Variants in TBPL2 observed in about 807,000 individuals in gnomAD.
The protein encoded by TBPL2 is TATA box-binding protein-like 2.
In TBPL2, 40 loss-of-function variants were observed where a neutral mutation model predicts 38.2. The ratio of observed to expected loss-of-function variants is 1.05; its 90% CI spans 0.81 to 1.36. The LOEUF (loss-of-function observed/expected upper bound fraction) is 1.36. Ranked by LOEUF, TBPL2 falls within the 40% of genes most tolerant of loss-of-function variation. The pLI, the probability that TBPL2 is intolerant of heterozygous loss-of-function variation, is 0.00. For synonymous variants in TBPL2, 169 were observed against 171.7 expected (o/e 0.98, Z 0.12); for missense variants, 461 against 456.7 (o/e 1.01, Z -0.09).
chr14:55,436,634 A>G, exon 2 of TBPL2: 1 of 1,614,214 alleles, frequency 6.2e-7, no homozygotes, highest in Non-Finnish European at 8.5e-7. Flanking sequence ...GATGCCAGAG[A>G]CAAGGAGTCG....
At chr14:55,414,413 A>G in exon 7 of TBPL2, 1 of 1,609,194 alleles carries the variant, frequency 6.2e-7, no homozygotes. Flanking sequence ...AATAGGATAG[A>G]TGTTTTCAAA....
chr14:55,424,974 C>CA (rs1432518514), intron 5 of TBPL2, among the ~76,000 whole-genome samples: 1 of 152,182 alleles, frequency 6.6e-6, no homozygotes, highest in African/African-American at 2.4e-5. Flanking sequence ...AAACTATTCT[C>CA]AAAGCAGTGG....
intron 3 of TBPL2, among the ~76,000 whole-genome samples, chr14:55,434,343 C>T (rs1302872598): frequency 1.3e-5 from 2 of 152,156 alleles, no homozygotes; most frequent in Admixed American, 6.5e-5. Context: ...GGCTGACACT[C>T]GTGAGGGTAG....
At chr14:55,423,862 C>G (rs1291887352) in intron 6 of TBPL2, among the ~76,000 whole-genome samples, 1 of 151,984 alleles carries the variant, frequency 6.6e-6, no homozygotes, top group Non-Finnish European at 1.5e-5. Context: ...CCATTAAAAG[C>G]CTTTATGAAG....
At chr14:55,417,695 C>A (rs1379641623) in intron 6 of TBPL2, among the ~76,000 whole-genome samples, 1 of 152,154 alleles carries the variant, frequency 6.6e-6, no homozygotes, top group Non-Finnish European at 1.5e-5. Flanking sequence ...CTCTTCGACT[C>A]AAGTGATCTG....
chr14:55,440,565 G>A lies in TBPL2; in HGVS notation c.-20C>T, dbSNP rs769420150. On this transcript the variant is annotated 5_prime_UTR_variant, in exon 1 of 7. Coordinates refer to ENST00000247219, the Ensembl canonical transcript of TBPL2. ...GGCCATTTATGAGCCTGGGGGCAGC[G>A]AGGCGGGGCGGCCCTCGGCCCAGGT... The A allele has an allele frequency of 4.5e-6, 7 of 1,570,794 alleles. No homozygotes were observed. The East Asian group carries it at 6.8e-5, about 15-fold the overall frequency.
At position 55,438,564 on chromosome 14, in the gene TBPL2, C is replaced by T. The variant is rs535622686; in HGVS notation, c.151-1546G>A. On this transcript the variant is annotated intron_variant, in intron 1 of 6. Transcript: ENST00000247219. The stretch of plus-strand genomic sequence containing the variant: ...CTGCAACAGTCAGTGTCTCCCTTCC[C>T]CTTCCCCTTCCCCATCATGGCATTT... Among the ~76,000 whole-genome samples the T allele has an allele frequency of 9.9e-5, 15 of 152,280 alleles. No individual in the cohort carries two copies. In the South Asian group the frequency reaches 3.1e-3, roughly 32 times the overall value.
intron 6 of TBPL2, among the ~76,000 whole-genome samples, chr14:55,416,317 C>A (rs1248978841): frequency 6.6e-6 from 1 of 152,084 alleles, no homozygotes; most frequent in Non-Finnish European, 1.5e-5. Context: ...TAAGGGCAGG[C>A]ATGGTGGCTC....
chr14:55,433,747 T>C (rs752339967), intron 3 of TBPL2, 26 bp from the exon 4 acceptor site: 2 of 1,604,470 alleles, frequency 1.2e-6, no homozygotes, highest in Admixed American at 1.7e-5. Flanking sequence ...AAAAGAGAAT[T>C]AGCCTCTGCT....
intron 5 of TBPL2, among the ~76,000 whole-genome samples, chr14:55,426,551 T>TC (rs1885827409): frequency 6.6e-6 from 1 of 152,042 alleles, no homozygotes; most frequent in East Asian, 1.9e-4. Context: ...AATTCAAATC[T>TC]TCTAAGAGGT....
At chr14:55,417,188 C>T (rs544416544) in intron 6 of TBPL2, among the ~76,000 whole-genome samples, 2 of 152,282 alleles carry the variant, frequency 1.3e-5, no homozygotes, top group African/African-American at 4.8e-5. Context: ...TTACCTGAAC[C>T]ATACAGCAGC....
intron 3 of TBPL2, among the ~76,000 whole-genome samples, chr14:55,435,337 A>G (rs1429293705): frequency 1.3e-5 from 2 of 149,568 alleles, no homozygotes; most frequent in Non-Finnish European, 3.0e-5. Flanking sequence ...ATGTAATGGC[A>G]TGATCTTGGC....
intron 6 of TBPL2, among the ~76,000 whole-genome samples, chr14:55,418,863 A>G (rs1885705092): frequency 6.6e-6 from 1 of 152,242 alleles, no homozygotes; most frequent in South Asian, 2.1e-4. Flanking sequence ...TAATAGCTCA[A>G]CAGTGCCAGG....
At chr14:55,426,528 G>A (rs892636477) in intron 5 of TBPL2, among the ~76,000 whole-genome samples, 1 of 151,996 alleles carries the variant, frequency 6.6e-6, no homozygotes, top group Non-Finnish European at 1.5e-5. Context: ...AATTAGAGAG[G>A]CCTCATGTTA....
chr14:55,421,761 A>T (rs1166582049), intron 6 of TBPL2, among the ~76,000 whole-genome samples: 1 of 152,098 alleles, frequency 6.6e-6, no homozygotes, highest in Non-Finnish European at 1.5e-5. Context: ...CCATACCCAG[A>T]AACTTTCCCC....
chr14:55,439,540 A>T (rs2140182898), intron 1 of TBPL2, among the ~76,000 whole-genome samples: 1 of 148,116 alleles, frequency 6.8e-6, no homozygotes, highest in Non-Finnish European at 1.5e-5. Flanking sequence ...CTGAAATCCC[A>T]GCACTTCGGG....
intron 1 of TBPL2, among the ~76,000 whole-genome samples, chr14:55,437,868 TAGA>T (rs1417314290): frequency 2.0e-5 from 3 of 152,202 alleles, no homozygotes; most frequent in Non-Finnish European, 2.9e-5. Context: ...ATGTTCTAGT[TAGA>T]AGAATTTACA....
At chr14:55,418,339 T>A (rs1885696800) in intron 6 of TBPL2, among the ~76,000 whole-genome samples, 1 of 152,216 alleles carries the variant, frequency 6.6e-6, no homozygotes, top group East Asian at 1.9e-4. Context: ...CCCTACCCCT[T>A]AGTCAGCTCC....
chr14:55,421,525 G>A (rs1479849332), intron 6 of TBPL2, among the ~76,000 whole-genome samples: 7 of 152,114 alleles, frequency 4.6e-5, no homozygotes, highest in South Asian at 2.1e-4. Context: ...GTGCAGTGGC[G>A]CGAACTTGGC....
Sources: allele counts gnomAD v4.1 joint callset (sites outside exome capture counted in the v4.1 genomes callset), GRCh38; gene constraint gnomAD v4.1.1; transcripts MANE v1.5; gene names NCBI Gene and HGNC (gene_info 2026-07-23, HGNC 2026-07-21).